AHNAK: variants seen among roughly 807,000 people sequenced by gnomAD.
The protein encoded by AHNAK is AHNAK nucleoprotein.
Under a neutral mutation model 37.8 loss-of-function variants are expected in AHNAK, and 23 were observed. The observed-to-expected ratio is 0.61, with a 90% CI of 0.44 to 0.86. AHNAK has a LOEUF of 0.86. AHNAK is among the 40% of genes least tolerant of loss of function. AHNAK has a pLI of 0.00. For missense variants in AHNAK, 7,411 were observed against 7,319.4 expected (o/e 1.01, Z -0.46); for synonymous variants, 2,481 against 2,636.3 (o/e 0.94, Z 1.80).
At position 62,518,740 on chromosome 11, in the gene AHNAK, C is replaced by A. The variant is rs1940117467; in HGVS notation, c.15677G>T (p.Gly5226Val). The part of the protein sequence containing the change: ...GLEGPDVDLQ[G>V]PEAKIKFPKF... Reference sequence around the variant, plus strand: ...GGGGAACTTAATTTTTGCTTCTGGACCTTGCAGATCTACATCTGGTCCTTC... The same window carrying A: ...GGGGAACTTAATTTTTGCTTCTGGAACTTGCAGATCTACATCTGGTCCTTC... Residue 5226 changes from glycine to valine, a missense_variant, in exon 5 of 5, where the codon GGT becomes GTT. Gly to Val is a moderately radical substitution (Grantham distance 109). Transcript: ENST00000378024. The A allele has an allele frequency of 5.0e-6, 8 of 1,614,216 alleles. No individual in the cohort carries two copies. Among genetic ancestry groups the A allele is most frequent in the Non-Finnish European group, 5.9e-6 (7 of 1,180,040 alleles).
rs755995108 is a variant in AHNAK, at chr11:62,529,714, T to C, written c.4703A>G (p.Lys1568Arg). 1 of 1,614,062 alleles carries C rather than the reference T, an allele frequency of 6.2e-7. No homozygotes were observed. The highest frequency in any genetic ancestry group is 2.2e-5 in the East Asian group (1 of 44,888). The part of the protein sequence containing the change: ...PEGKLKGPKF[K>R]MPSMNIQTHK... Reference sequence around the variant, plus strand: ...CGTCTGTATATTCATGCTTGGCATCTTGAACTTAGGGCCTTTTAGTTTCCC... The same window carrying C: ...CGTCTGTATATTCATGCTTGGCATCCTGAACTTAGGGCCTTTTAGTTTCCC... The change falls in exon 5 of 5, where the codon AAG (lysine) becomes AGG (arginine). Residue 1568 changes from lysine to arginine, a missense_variant. Coordinates refer to ENST00000378024, the MANE Select transcript of AHNAK (RefSeq NM_001620.3).
At chr11:62,485,361 CAGCTTGGG>C (rs964996883) in intron 5 of AHNAK, among the ~76,000 whole-genome samples, 15 of 152,122 alleles carry the variant, frequency 9.9e-5, no homozygotes, top group African/African-American at 2.9e-4. Context: ...CAGTATACTC[CAGCTTGGG>C]TCACAGAGTG....
At chr11:62,439,108 T>C (rs1354613524) in intron 5 of AHNAK, among the ~76,000 whole-genome samples, 1 of 147,566 alleles carries the variant, frequency 6.8e-6, no homozygotes, top group African/African-American at 2.5e-5. Flanking sequence ...TTTTTTTTTT[T>C]TTTGAGATGG....
At chr11:62,490,840 T>G (rs1487765370) in intron 5 of AHNAK, among the ~76,000 whole-genome samples, 1 of 152,052 alleles carries the variant, frequency 6.6e-6, no homozygotes, top group Non-Finnish European at 1.5e-5. Flanking sequence ...CAGGCTGGAG[T>G]GCAGTGGTGC....
chr11:62,457,888 G>C (rs1398512409), intron 5 of AHNAK, among the ~76,000 whole-genome samples: 1 of 149,760 alleles, frequency 6.7e-6, no homozygotes, highest in Non-Finnish European at 1.5e-5. Flanking sequence ...ATGTACCTCT[G>C]TATCTAAAAG....
rs775766311 is a variant in AHNAK at position 62,523,525 on chromosome 11, A to G, written c.10892T>C (p.Ile3631Thr). 1.2e-6 allele frequency: 2 copies of G among 1,614,048 alleles called. No homozygotes were observed. The highest frequency in any genetic ancestry group is 1.7e-5 in the Admixed American group (1 of 60,008). Residue 3631 changes from isoleucine to threonine, a missense_variant, in exon 5 of 5, where the codon ATT (isoleucine) becomes ACT (threonine). Physicochemically the swap from Ile to Thr is moderately conservative, Grantham distance 89 (BLOSUM62 -1). Transcript: ENST00000378024. ...EVDVTLPKAD[I>T]DISGPNVDVD... ...GTCTACATTGGGACCAGAAATGTCA[A>G]TGTCAGCTTTAGGGAGGGTAACATC...
chr11:62,439,289 G>A (rs1938248730), intron 5 of AHNAK, among the ~76,000 whole-genome samples: 1 of 151,640 alleles, frequency 6.6e-6, no homozygotes, highest in Admixed American at 6.6e-5. Context: ...GTAGACACGG[G>A]GTTTCGCTGT....
intron 5 of AHNAK, among the ~76,000 whole-genome samples, chr11:62,484,950 C>A (rs950868575): frequency 6.6e-6 from 1 of 152,064 alleles, no homozygotes; most frequent in Non-Finnish European, 1.5e-5. Flanking sequence ...CCACCACACC[C>A]GGCTAATTTT....
At position 62,533,585 on chromosome 11, in the gene AHNAK, C is replaced by T. The variant is rs1940841977; in HGVS notation, c.832G>A (p.Val278Met). The T allele has an allele frequency of 1.9e-6, 3 of 1,614,176 alleles. No homozygotes were observed. The highest frequency in any genetic ancestry group is 1.3e-5 in the African/African-American group (1 of 75,050). Reference sequence around the variant, plus strand: ...CCCCCAAGAGAAGATGAAATGTCCACTGCTGGAACTTGGACCCCTCCTCTG... The same window carrying T: ...CCCCCAAGAGAAGATGAAATGTCCATTGCTGGAACTTGGACCCCTCCTCTG... ...GGRGGVQVPA[V>M]DISSSLGGRA... Residue 278 changes from valine (V) to methionine (M), a missense_variant, in exon 5 of 5, where the codon GTG becomes ATG. Coordinates refer to ENST00000378024, the MANE Select transcript of AHNAK (RefSeq NM_001620.3).
rs765810056 is a variant in AHNAK at position 62,521,994 on chromosome 11, T to C, written c.12423A>G (p.Pro4141=). The change falls in exon 5 of 5, where the codon CCA becomes CCG. Residue 4141 remains proline (P), a synonymous_variant. Transcript: ENST00000378024. ...AAACGTCCACGTCGCCCTTCATCTT[T>C]GGACCTTTCAGATTCAGGTCAACTT... The part of the protein sequence containing the change: ...MPEVDLNLKG[P]KMKGDVDVSL... 3 of 1,613,736 alleles carry C rather than the reference T, an allele frequency of 1.9e-6. No homozygotes were observed. The South Asian group carries it at 3.3e-5, about 18-fold the overall frequency.
Position 62,527,368 on chromosome 11 carries a change from C to T in AHNAK, c.7049G>A (p.Gly2350Asp), listed in dbSNP as rs763628605. The T allele has an allele frequency of 6.2e-7, 1 of 1,614,136 alleles. No individual in the cohort carries two copies. The highest frequency in any genetic ancestry group is 1.7e-5 in the Admixed American group (1 of 60,020). ...TGGCATGTCAGCATCTAATTTGGGA[C>T]CTTTGACATCCAATTCTGGACCTTT... ...ELKGPELDVK[G>D]PKLDADMPEV... The change falls in exon 5 of 5, where the codon GGT becomes GAT. Residue 2350 changes from glycine (G) to aspartate (D), a missense_variant. By Grantham distance (94) the Gly-to-Asp change is moderately conservative. Transcript: ENST00000378024.
rs145179465 is a variant in AHNAK, at chr11:62,523,612, A to G, written c.10805T>C (p.Met3602Thr). ...DVHGPDWHLK[M>T]PKVKMPKFSM... ...GAACTTGGGCATTTTCACTTTGGGC[A>G]TCTTCAGATGCCAGTCTGGACCATG... Residue 3602 changes from methionine (M) to threonine (T), a missense_variant, in exon 5 of 5, where the codon ATG becomes ACG. Coordinates refer to ENST00000378024, the MANE Select transcript of AHNAK (RefSeq NM_001620.3). 1 of 1,614,018 alleles carries G rather than the reference A, an allele frequency of 6.2e-7. No individual in the cohort carries two copies. Among genetic ancestry groups the G allele is most frequent in the African/African-American group, 1.3e-5 (1 of 74,880 alleles).
At chr11:62,502,261 C>T (rs1939726593) in intron 4 of AHNAK, among the ~76,000 whole-genome samples, 1 of 152,214 alleles carries the variant, frequency 6.6e-6, no homozygotes, top group African/African-American at 2.4e-5. Flanking sequence ...TGCCAGCCAA[C>T]AGGGCACAGA....
Position 62,439,089 on chromosome 11 carries a change from A to ATTTTTTT in AHNAK, c.443-5205_443-5199dup, listed in dbSNP as rs11374757. Among the ~76,000 whole-genome samples, 119 of 92,888 alleles carry ATTTTTTT rather than the reference A, an allele frequency of 1.3e-3. 4 individuals are homozygous for ATTTTTTT. Among genetic ancestry groups the ATTTTTTT allele is most frequent in the Non-Finnish European group, 2.0e-3 (98 of 48,838 alleles). 60.9% of individuals were successfully genotyped at this position (92,888 alleles called of 152,430 possible). A position where few individuals can be genotyped will look rare whatever the true frequency, so the allele number is the denominator to read the frequency against. On this transcript the variant is annotated intron_variant, in intron 5 of 5. Transcript: ENST00000257247. ...GACACCCATCCCTCTCAGTTTCCCT[A>ATTTTTTT]TTTTTTTTTTTTTTTTTTTTTTGAG... is the stretch of plus-strand genomic sequence containing the variant.
At chr11:62,461,824 CAA>C (rs34702871) in intron 5 of AHNAK, among the ~76,000 whole-genome samples, 42 of 90,078 alleles carry the variant, frequency 4.7e-4, no homozygotes, top group East Asian at 3.4e-3. Context: ...AACGACATCT[CAA>C]AAAAAAAAAA....
At chr11:62,454,441 A>ACT (rs1938612974) in intron 5 of AHNAK, among the ~76,000 whole-genome samples, 1 of 151,940 alleles carries the variant, frequency 6.6e-6, no homozygotes, top group Non-Finnish European at 1.5e-5. Flanking sequence ...AAAGAAAAGA[A>ACT]AAGAACTAAG....
intron 4 of AHNAK, among the ~76,000 whole-genome samples, chr11:62,493,280 C>T (rs1214931016): frequency 6.6e-6 from 1 of 151,158 alleles, no homozygotes; most frequent in African/African-American, 2.4e-5. Flanking sequence ...TCACAAAGTG[C>T]TGGGATTACA....
intron 5 of AHNAK, among the ~76,000 whole-genome samples, chr11:62,471,769 G>C (rs1939041021): frequency 6.6e-6 from 1 of 152,212 alleles, no homozygotes; most frequent in African/African-American, 2.4e-5. Flanking sequence ...CTGGGTGTGG[G>C]AGACTGGCCG....
chr11:62,462,137 C>T (rs1002977320), intron 5 of AHNAK, among the ~76,000 whole-genome samples: 6 of 152,176 alleles, frequency 3.9e-5, no homozygotes, highest in African/African-American at 1.4e-4. Flanking sequence ...CTAGAGCCTG[C>T]TGGCACCTGG....
Sources: gnomAD v4.1 joint callset for allele counts (sites outside exome capture counted in the v4.1 genomes callset) on GRCh38, gnomAD v4.1.1 for gene constraint, MANE v1.5 for transcripts, NCBI Gene and HGNC (gene_info 2026-07-23, HGNC 2026-07-21) for gene names.